FHIT: variants seen among roughly 807,000 people sequenced by gnomAD.
The protein encoded by FHIT is fragile histidine triad diadenosine triphosphatase, also known as bis(5'-adenosyl)-triphosphatase.
Under a neutral mutation model 17.9 loss-of-function variants are expected in FHIT, and 19 were observed. The ratio of observed to expected loss-of-function variants is 1.06; its 90% CI spans 0.74 to 1.56. The LOEUF (loss-of-function observed/expected upper bound fraction) is 1.56, where lower values mean the gene tolerates loss of function less well. Ranked by LOEUF, FHIT falls within the 40% of genes most tolerant of loss-of-function variation. FHIT has a pLI of 0.00. For missense variants in FHIT, 248 were observed against 189.2 expected, an observed-to-expected ratio of 1.31 and a Z score of -1.82; for synonymous variants, 81 against 69.7, an observed-to-expected ratio of 1.16 and a Z score of -0.81.
At chr3:60,138,602 A>C (rs905698463) in intron 5 of FHIT, among the ~76,000 whole-genome samples, 2 of 152,042 alleles carry the variant, frequency 1.3e-5, no homozygotes, top group Non-Finnish European at 2.9e-5. Context: ...TGACAACCTC[A>C]TAAGTTGTCA....
chr3:60,556,864 C>T (rs141915361), intron 4 of FHIT, among the ~76,000 whole-genome samples: 1,652 of 152,308 alleles, frequency 0.011, 22 homozygotes, highest in South Asian at 0.033. Flanking sequence ...GTGCTCAGGG[C>T]AAAGGATGCT....
chr3:60,950,693 T>A (rs1239777448), intron 3 of FHIT, among the ~76,000 whole-genome samples: 1 of 150,784 alleles, frequency 6.6e-6, no homozygotes, highest in Non-Finnish European at 1.5e-5. Context: ...ATTTTTTTTT[T>A]TTTATTTTTA....
chr3:60,652,751 A>T (rs1279312125), intron 4 of FHIT, among the ~76,000 whole-genome samples: 1 of 149,918 alleles, frequency 6.7e-6, no homozygotes, highest in African/African-American at 2.5e-5. Flanking sequence ...AAAAAAAAAA[A>T]ATTCAAAAAG....
At chr3:60,416,813 G>A (rs242192) in intron 5 of FHIT, among the ~76,000 whole-genome samples, 68,552 of 151,858 alleles carry the variant, frequency 0.45, 16,105 homozygotes, top group African/African-American at 0.58. Flanking sequence ...CAGGCCGGGT[G>A]CGGCAGCTGA....
chr3:60,165,180 C>A (rs567746474), intron 5 of FHIT, among the ~76,000 whole-genome samples: 1 of 152,102 alleles, frequency 6.6e-6, no homozygotes, highest in Admixed American at 6.5e-5. Flanking sequence ...GAAAACCCAC[C>A]GTGCCAGGGA....
intron 5 of FHIT, among the ~76,000 whole-genome samples, chr3:60,402,885 C>G (rs985872491): frequency 9.2e-5 from 14 of 152,312 alleles, no homozygotes; most frequent in Admixed American, 3.9e-4. Flanking sequence ...TAATAGCCCA[C>G]TGTCTTGGCA....
intron 4 of FHIT, among the ~76,000 whole-genome samples, chr3:60,614,464 C>T (rs1395224699): frequency 6.6e-6 from 1 of 152,080 alleles, no homozygotes; most frequent in Non-Finnish European, 1.5e-5. Context: ...ATTATCTGGG[C>T]ATGGTGGCAG....
In FHIT at chr3:61,088,973, G is replaced by A. The variant is rs536386395; in HGVS notation, c.-163-46874C>T. On this transcript the variant is annotated intron_variant, in intron 2 of 9. Transcript: ENST00000492590. ...AATATCAACAAAAGAGGAAGAAAAA[G>A]AAGATTAGGATGGAGGTAGAAATGA... 5.9e-5 allele frequency among the ~76,000 whole-genome samples: 9 copies of A among 152,264 alleles called. 1 individual carries two copies. In the South Asian group the frequency reaches 1.5e-3, roughly 25 times the overall value.
intron 2 of FHIT, among the ~76,000 whole-genome samples, chr3:61,116,173 C>A (rs568386066): frequency 6.6e-6 from 1 of 151,744 alleles, no homozygotes; most frequent in Non-Finnish European, 1.5e-5. Context: ...AAATGATCCT[C>A]GGGTCTTGGT....
intron 3 of FHIT, among the ~76,000 whole-genome samples, chr3:60,913,810 A>G (rs1575681397): frequency 6.6e-6 from 1 of 151,970 alleles, no homozygotes; most frequent in Admixed American, 6.6e-5. Context: ...GCCTCTCTCC[A>G]TGTCTTTGTT....
At chr3:59,992,632 T>A (rs59871933) in intron 7 of FHIT, among the ~76,000 whole-genome samples, 2 of 151,960 alleles carry the variant, frequency 1.3e-5, no homozygotes, top group Admixed American at 6.6e-5. Context: ...CTACTAAATA[T>A]TGATTAGAGT....
chr3:60,124,003 T>TAGAGAGAG (rs1559653641), intron 5 of FHIT, among the ~76,000 whole-genome samples: 8 of 24,590 alleles, frequency 3.3e-4, no homozygotes, highest in Non-Finnish European at 6.1e-4. Flanking sequence ...TATATATATA[T>TAGAGAGAG]ATATATAGAG....
intron 5 of FHIT, among the ~76,000 whole-genome samples, chr3:60,432,018 C>G (rs1348519195): frequency 1.3e-5 from 2 of 152,092 alleles, no homozygotes; most frequent in Non-Finnish European, 2.9e-5. Context: ...CTCTGTCACC[C>G]AGGCTAGAGT....
At chr3:60,185,054 T>C (rs781567312) in intron 5 of FHIT, among the ~76,000 whole-genome samples, 1 of 152,164 alleles carries the variant, frequency 6.6e-6, no homozygotes, top group Non-Finnish European at 1.5e-5. Context: ...CTTGCTGAAG[T>C]CCCAGAATTT....
rs576208835 is a variant in FHIT, at chr3:61,157,800, T to A, written c.-164+42817A>T. Among the ~76,000 whole-genome samples the A allele has an allele frequency of 1.1e-4, 17 of 152,272 alleles. No homozygotes were observed. In the South Asian group the frequency reaches 3.1e-3, roughly 28 times the overall value. ...GCAGCACCATTCATAGAAGAAAATTTAAAAATTTAACTAAATGGCTATTGA... is the reference window on the plus strand; with the variant it reads ...GCAGCACCATTCATAGAAGAAAATTAAAAAATTTAACTAAATGGCTATTGA... On this transcript the variant is annotated intron_variant, in intron 2 of 9. Coordinates refer to ENST00000492590, the MANE Select transcript of FHIT (RefSeq NM_002012.4).
intron 5 of FHIT, among the ~76,000 whole-genome samples, chr3:60,347,743 A>G (rs1351813789): frequency 6.7e-6 from 1 of 148,874 alleles, no homozygotes. Flanking sequence ...TTTGCCCCAA[A>G]CCCCAAGCAT....
At chr3:60,185,365 T>G (rs1702115049) in intron 5 of FHIT, among the ~76,000 whole-genome samples, 1 of 152,188 alleles carries the variant, frequency 6.6e-6, no homozygotes, top group South Asian at 2.1e-4. Context: ...TTAATAAAGT[T>G]GCATCATGCA....
intron 8 of FHIT, among the ~76,000 whole-genome samples, chr3:59,812,492 G>T (rs1700443389): frequency 6.6e-6 from 1 of 152,138 alleles, no homozygotes; most frequent in Non-Finnish European, 1.5e-5. Context: ...CTGCATTATG[G>T]ATGAGCTCAT....
In FHIT at chr3:59,813,733, T is replaced by C. The variant is rs1025810627; in HGVS notation, c.349-61412A>G. Among the ~76,000 whole-genome samples, 4 of 152,086 alleles carry C rather than the reference T, an allele frequency of 2.6e-5. No individual in the cohort carries two copies. In the South Asian group the frequency reaches 8.3e-4, roughly 32 times the overall value. On this transcript the variant is annotated intron_variant, in intron 8 of 9. Transcript: ENST00000492590. The stretch of plus-strand genomic sequence containing the variant: ...GAAGCTTGTCTTCCCCACCAAAAGG[T>C]CAGGGACCCAAGTATGCCTTGCACA...
Sources: allele counts gnomAD v4.1 joint callset (sites outside exome capture counted in the v4.1 genomes callset), GRCh38; gene constraint gnomAD v4.1.1; transcripts MANE v1.5; gene names NCBI Gene and HGNC (gene_info 2026-07-23, HGNC 2026-07-21).